Variants in FNBP1 observed in about 807,000 individuals in gnomAD.
The protein encoded by FNBP1 is formin binding protein 1, also known as formin-binding protein 1.
In FNBP1, 26 loss-of-function variants were observed where a neutral mutation model predicts 90.6. The ratio of observed to expected loss-of-function variants is 0.29; its 90% CI spans 0.21 to 0.40. FNBP1 has a LOEUF of 0.40. FNBP1 is among the 10% of genes least tolerant of loss of function. The probability of loss-of-function intolerance (pLI) is 1.00; values close to 1 mark genes in which losing one functional copy is unlikely to be tolerated. For synonymous variants in FNBP1, 260 were observed against 265.2 expected (o/e 0.98, Z 0.19); for missense variants, 635 against 768.0 (o/e 0.83, Z 2.05).
chr9:130,048,092 G>A (rs2060070607), upstream of FNBP1, among the ~76,000 whole-genome samples: 1 of 151,812 alleles, frequency 6.6e-6, no homozygotes. Flanking sequence ...GGCCGAGGCA[G>A]GCGGATCGCT....
Position 129,895,837 on chromosome 9 carries a change from C to T in FNBP1, c.1846+1G>A, listed in dbSNP as rs1394162115. The T allele has an allele frequency of 6.2e-7, 1 of 1,600,960 alleles. No homozygotes were observed. The highest frequency in any genetic ancestry group is 1.1e-5 in the South Asian group (1 of 89,026). ...ATGGTATTAAATATAAGTCTTAGCA[C>T]CTTTGGCATTTTTGTCCAAACAGAC... On this transcript the variant is annotated splice_donor_variant, in intron 16 of 16. Coordinates refer to ENST00000446176, the MANE Select transcript of FNBP1 (RefSeq NM_015033.3). LOFTEE classifies it high-confidence loss of function.
At position 129,888,865 on chromosome 9, in the gene FNBP1, T is replaced by C. The variant is rs1452633024; in HGVS notation, c.*1674A>G. 1 of 232,430 alleles carries C rather than the reference T, an allele frequency of 4.3e-6. No individual in the cohort carries two copies. The highest frequency in any genetic ancestry group is 8.5e-6 in the Non-Finnish European group (1 of 117,588). 14.4% of individuals were successfully genotyped at this position (232,430 alleles called of 1,614,324 possible). A position where few individuals can be genotyped will look rare whatever the true frequency, so the allele number is the denominator to read the frequency against. On this transcript the variant is annotated 3_prime_UTR_variant, in exon 17 of 17. Transcript: ENST00000446176. The stretch of plus-strand genomic sequence containing the variant: ...TTTCCGTCCCTGTCCCTTTGGCTTC[T>C]ATAGGACTTCCTTGTCTTAGATTCA...
intron 2 of FNBP1, among the ~76,000 whole-genome samples, chr9:129,980,801 CAGCACTTTGGG>C (rs1310819331): frequency 2.0e-5 from 3 of 151,720 alleles, no homozygotes; most frequent in African/African-American, 7.3e-5. Context: ...CCTGTAATCC[CAGCACTTTGGG>C]AGGCTGAGGC....
chr9:129,950,300 T>C (rs74609231), intron 6 of FNBP1, among the ~76,000 whole-genome samples: 5,195 of 152,294 alleles, frequency 0.034, 158 homozygotes, highest in African/African-American at 0.078. Flanking sequence ...GCTTCAATGT[T>C]TGTGATGCCA....
chr9:129,898,602 G>T (rs1005886253), intron 15 of FNBP1, among the ~76,000 whole-genome samples: 1 of 152,000 alleles, frequency 6.6e-6, no homozygotes, highest in Admixed American at 6.6e-5. Flanking sequence ...TGAGTCTCCT[G>T]CTTCAGCCTC....
Position 129,952,413 on chromosome 9 carries a change from G to A in FNBP1, c.513+4947C>T, listed in dbSNP as rs529781770. The stretch of plus-strand genomic sequence containing the variant: ...CTTGGGAGGCTGAGGCAGGGGAATC[G>A]CTTGAACCTGGGAGGTGGAGGTTGA... On this transcript the variant is annotated intron_variant, in intron 6 of 16. Coordinates refer to ENST00000446176, the MANE Select transcript of FNBP1 (RefSeq NM_015033.3). 2.9e-3 allele frequency among the ~76,000 whole-genome samples: 446 copies of A among 151,982 alleles called. 1 individual carries two copies. The highest frequency in any genetic ancestry group is 0.01 in the African/African-American group (430 of 41,446).
intron 13 of FNBP1, among the ~76,000 whole-genome samples, chr9:129,901,297 T>G (rs1200406838): frequency 6.6e-6 from 1 of 151,694 alleles, no homozygotes; most frequent in Non-Finnish European, 1.5e-5. Context: ...TCCCAGCACT[T>G]TGGGAGAGGT....
At chr9:129,950,211 G>A (rs185988583) in intron 6 of FNBP1, among the ~76,000 whole-genome samples, 2 of 152,260 alleles carry the variant, frequency 1.3e-5, no homozygotes, top group Admixed American at 6.5e-5. Context: ...TGGGTGTTTT[G>A]GGAAATTACA....
At chr9:130,001,350 G>A (rs2054826281) in intron 1 of FNBP1, among the ~76,000 whole-genome samples, 1 of 149,538 alleles carries the variant, frequency 6.7e-6, no homozygotes, top group Admixed American at 6.7e-5. Flanking sequence ...AGCTAATGGT[G>A]AAGAATATAG....
At chr9:129,941,160 G>A (rs942950420) in intron 6 of FNBP1, among the ~76,000 whole-genome samples, 25 of 151,432 alleles carry the variant, frequency 1.7e-4, no homozygotes, top group East Asian at 9.8e-4. Flanking sequence ...AGGCTGAGGC[G>A]GGCAGATCAC....
chr9:129,910,505 A>G (rs1293684070), intron 11 of FNBP1, among the ~76,000 whole-genome samples: 1 of 23,870 alleles, frequency 4.2e-5, no homozygotes, highest in Non-Finnish European at 1.1e-4. Flanking sequence ...AAAAAAAAAA[A>G]GAGAGAGAGA....
At chr9:130,013,500 C>T (rs557716880) in intron 1 of FNBP1, among the ~76,000 whole-genome samples, 22 of 152,120 alleles carry the variant, frequency 1.4e-4, no homozygotes, top group Non-Finnish European at 3.1e-4. Flanking sequence ...AACATTCACA[C>T]ACTGCTGGGG....
chr9:129,907,973 C>T (rs1448400472), intron 12 of FNBP1, among the ~76,000 whole-genome samples: 1 of 151,804 alleles, frequency 6.6e-6, no homozygotes, highest in East Asian at 1.9e-4. Flanking sequence ...GTGATCTGCC[C>T]GCCTCGGCCT....
At chr9:129,908,844 G>A in intron 12 of FNBP1, 46 bp downstream of exon 12, 2 of 1,306,294 alleles carry the variant, frequency 1.5e-6, no homozygotes, top group Non-Finnish European at 2.2e-6. Flanking sequence ...GTGAGCCACT[G>A]CGCCTGGCCT....
intron 2 of FNBP1, 51 bp downstream of exon 2, chr9:129,994,792 T>G (rs1007231305): frequency 9.8e-6 from 8 of 816,430 alleles, no homozygotes; most frequent in Middle Eastern, 2.6e-4. Flanking sequence ...ATATACGTTA[T>G]CCTTACATCA....
intron 6 of FNBP1, among the ~76,000 whole-genome samples, chr9:129,952,701 GA>G (rs2046369612): frequency 6.6e-6 from 1 of 152,084 alleles, no homozygotes; most frequent in Non-Finnish European, 1.5e-5. Flanking sequence ...ACTTTTTATT[GA>G]TGAAAAATGA....
chr9:130,009,345 G>T (rs2056227371), intron 1 of FNBP1, among the ~76,000 whole-genome samples: 1 of 152,144 alleles, frequency 6.6e-6, no homozygotes, highest in Non-Finnish European at 1.5e-5. Context: ...TATGGGAATA[G>T]GTGCTAGAGC....
intron 2 of FNBP1, among the ~76,000 whole-genome samples, chr9:129,986,359 G>A (rs1176390221): frequency 6.6e-6 from 1 of 151,974 alleles, no homozygotes; most frequent in East Asian, 1.9e-4. Flanking sequence ...GAATGAGAAG[G>A]AAGACACAAA....
chr9:129,997,096 G>C (rs970429661), intron 1 of FNBP1, among the ~76,000 whole-genome samples: 1 of 151,904 alleles, frequency 6.6e-6, no homozygotes, highest in Non-Finnish European at 1.5e-5. Context: ...AAGCCAAGGC[G>C]GGTGGATCAC....
Sources: allele counts gnomAD v4.1 joint callset (sites outside exome capture counted in the v4.1 genomes callset), GRCh38; gene constraint gnomAD v4.1.1; transcripts MANE v1.5; gene names NCBI Gene and HGNC (gene_info 2026-07-23, HGNC 2026-07-21).